Variants in UQCRC2 observed in about 807,000 individuals in gnomAD.
UQCRC2 encodes the protein ubiquinol-cytochrome c reductase core protein 2, also known as cytochrome b-c1 complex subunit 2, mitochondrial.
Under a neutral mutation model 55.6 loss-of-function variants are expected in UQCRC2, and 49 were observed. The ratio of observed to expected loss-of-function variants is 0.88; its 90% CI spans 0.70 to 1.12. The LOEUF (loss-of-function observed/expected upper bound fraction) is 1.12. Among genes scored for constraint, UQCRC2 ranks in the 50% most tolerant of loss-of-function variants. The pLI, the probability that UQCRC2 is intolerant of heterozygous loss-of-function variation, is 0.00. For missense variants in UQCRC2, 506 were observed against 547.8 expected (o/e 0.92, Z 0.76); for synonymous variants, 193 against 192.0 (o/e 1.01, Z -0.04).
At chr16:21,977,671 C>T (rs544870014) in intron 12 of UQCRC2, among the ~76,000 whole-genome samples, 28 of 152,276 alleles carry the variant, frequency 1.8e-4, no homozygotes, top group Admixed American at 5.9e-4. Context: ...TTCATACAGC[C>T]GCTTAAGACA....
chr16:21,970,998 T>C (rs1898446290), intron 8 of UQCRC2, among the ~76,000 whole-genome samples: 1 of 152,188 alleles, frequency 6.6e-6, no homozygotes, highest in Non-Finnish European at 1.5e-5. Context: ...TTAGCAGATA[T>C]ATTATCTGCA....
chr16:21,982,465 C>CT (rs1349283134), intron 13 of UQCRC2, among the ~76,000 whole-genome samples: 2 of 152,196 alleles, frequency 1.3e-5, no homozygotes, highest in Admixed American at 1.3e-4. Flanking sequence ...CCACACTACT[C>CT]TATTTGACAG....
rs767272171 is a variant in UQCRC2, at chr16:21,965,448, C to G, written c.555C>G (p.Ala185=). 6.2e-7 allele frequency: 1 copy of G among 1,613,918 alleles called. No homozygotes were observed. The highest frequency in any genetic ancestry group is 1.1e-5 in the South Asian group (1 of 91,076). ...ENLHAAAYRN[A]LANPLYCPDY... ...TGCATGCAGCAGCTTACCGGAATGC[C>G]TTGGCTAATCCCTTGTATTGTCCTG... Residue 185 remains alanine, a synonymous_variant, in exon 7 of 14, where the codon GCC becomes GCG. Coordinates refer to ENST00000268379, the MANE Select transcript of UQCRC2 (RefSeq NM_003366.4).
chr16:21,978,764 G>A (rs1363490793), intron 12 of UQCRC2, among the ~76,000 whole-genome samples: 2 of 152,178 alleles, frequency 1.3e-5, no homozygotes, highest in African/African-American at 4.8e-5. Flanking sequence ...ACTGTAAGTT[G>A]TTAGTTTGCC....
intron 9 of UQCRC2, 38 bp from the exon 10 acceptor site, chr16:21,971,885 C>T (rs754070849): frequency 6.2e-7 from 1 of 1,609,862 alleles, no homozygotes; most frequent in Non-Finnish European, 8.5e-7. Flanking sequence ...GGTGAACAAG[C>T]CATTTTCTTC....
At chr16:21,967,307 G>A (rs1394002753) in intron 7 of UQCRC2, among the ~76,000 whole-genome samples, 2 of 152,146 alleles carry the variant, frequency 1.3e-5, no homozygotes, top group African/African-American at 2.4e-5. Flanking sequence ...TTAGCCCAGT[G>A]ATTCTCAAAA....
intron 7 of UQCRC2, among the ~76,000 whole-genome samples, chr16:21,967,974 G>C (rs1269412300): frequency 6.6e-6 from 1 of 150,468 alleles, no homozygotes; most frequent in Non-Finnish European, 1.5e-5. Flanking sequence ...GTTTAGGCCA[G>C]TGTATGCTCT....
rs1254424251 is a variant in UQCRC2, at chr16:21,957,215, C to A, written c.34-20C>A. The A allele has an allele frequency of 2.5e-6, 4 of 1,611,372 alleles. No homozygotes were observed. The highest frequency in any genetic ancestry group is 3.4e-6 in the Non-Finnish European group (4 of 1,178,672). ...CTGTTCTTGTGAGAAATACGTGTAA[C>A]CTGTGTTTTTTATGTTTAGAGATTT... On this transcript the variant is annotated intron_variant, in intron 1 of 13. Transcript: ENST00000268379.
At chr16:21,968,712 C>T (rs1898387285) in intron 8 of UQCRC2, 27 bp downstream of exon 8, 3 of 1,589,994 alleles carry the variant, frequency 1.9e-6, no homozygotes, top group Non-Finnish European at 2.6e-6. Flanking sequence ...GCCTGCCTGT[C>T]AGTTTGCTTC....
At chr16:21,975,677 G>T (rs1174669311) in intron 11 of UQCRC2, among the ~76,000 whole-genome samples, 2 of 152,012 alleles carry the variant, frequency 1.3e-5, no homozygotes, top group Non-Finnish European at 2.9e-5. Context: ...TTACAAATTG[G>T]CTGTGTATGG....
Position 21,972,094 on chromosome 16 carries a change from T to A in UQCRC2, c.938T>A (p.Val313Asp). Reference sequence around the variant, plus strand: ...ACCACCAGCCATCTGCACCAGGCTGTTGCCAAGGCAACTCAGCAGCCATTT... The same window carrying A: ...ACCACCAGCCATCTGCACCAGGCTGATGCCAAGGCAACTCAGCAGCCATTT... Reference protein sequence around the residue: ...SNTTSHLHQAVAKATQQPFDV... With the variant: ...SNTTSHLHQADAKATQQPFDV... Residue 313 changes from valine (V) to aspartate (D), a missense_variant, in exon 10 of 14, where the codon GTT becomes GAT. Physicochemically the swap from Val to Asp is radical, Grantham distance 152. Coordinates refer to ENST00000268379, the MANE Select transcript of UQCRC2 (RefSeq NM_003366.4). 1 of 1,613,946 alleles carries A rather than the reference T, an allele frequency of 6.2e-7. No homozygotes were observed. Among genetic ancestry groups the A allele is most frequent in the Non-Finnish European group, 8.5e-7 (1 of 1,179,910 alleles).
intron 9 of UQCRC2, 117 bp downstream of exon 9, chr16:21,971,737 G>T (rs1898466584): frequency 1.5e-6 from 2 of 1,321,358 alleles, no homozygotes; most frequent in African/African-American, 1.5e-5. Flanking sequence ...GCATAGAATT[G>T]GATGGCTTGG....
Position 21,972,021 on chromosome 16 carries a change from C to T in UQCRC2, c.865C>T (p.Leu289Phe), listed in dbSNP as rs371441423. 3.7e-6 allele frequency: 6 copies of T among 1,614,028 alleles called. No homozygotes were observed. Among genetic ancestry groups the T allele is most frequent in the Non-Finnish European group, 5.1e-6 (6 of 1,180,026 alleles). The change falls in exon 10 of 14, where the codon CTT (leucine) becomes TTT (phenylalanine). Residue 289 changes from leucine to phenylalanine, a missense_variant. Leu to Phe is a conservative substitution (Grantham distance 22). Coordinates refer to ENST00000268379, the MANE Select transcript of UQCRC2 (RefSeq NM_003366.4). Reference protein sequence around the residue: ...GSAEANAFSVLQHVLGAGPHV... With the variant: ...GSAEANAFSVFQHVLGAGPHV... ...TGCAGAGGCAAATGCATTTAGTGTT[C>T]TTCAGCATGTCCTCGGTGCTGGGCC...
intron 4 of UQCRC2, 107 bp downstream of exon 4, chr16:21,958,706 A>C: frequency 1.1e-6 from 1 of 931,422 alleles, no homozygotes; most frequent in Non-Finnish European, 1.7e-6. Flanking sequence ...AAGCAACATA[A>C]GAAGGAAAAG....
At position 21,973,832 on chromosome 16, in the gene UQCRC2, T is replaced by TA. The variant is rs1898519097; in HGVS notation, c.967-61dup. The TA allele has an allele frequency of 4.0e-6, 6 of 1,500,298 alleles. No individual in the cohort carries two copies. In the South Asian group the frequency reaches 6.0e-5, roughly 15 times the overall value. 92.9% of individuals were successfully genotyped at this position (1,500,298 alleles called of 1,614,324 possible). On this transcript the variant is annotated intron_variant, in intron 10 of 13. Coordinates refer to ENST00000268379, the MANE Select transcript of UQCRC2 (RefSeq NM_003366.4). ...GGTCCAAGTTTTTTCTAGGCAAACT[T>TA]AAAGAAATCGTGCCCTGTTTTACTT...
At chr16:21,977,218 G>A (rs895627198) in intron 12 of UQCRC2, among the ~76,000 whole-genome samples, 2 of 152,076 alleles carry the variant, frequency 1.3e-5, no homozygotes, top group African/African-American at 4.8e-5. Context: ...GCCAGGTGTG[G>A]TAGTGTGTGC....
At chr16:21,974,083 C>A in intron 11 of UQCRC2, 107 bp downstream of exon 11, 2 of 946,648 alleles carry the variant, frequency 2.1e-6, no homozygotes, top group East Asian at 2.5e-5. Context: ...AGTGCAATGA[C>A]TTATCAGAGC....
At chr16:21,954,521 C>T (rs1353701615) in intron 1 of UQCRC2, among the ~76,000 whole-genome samples, 1 of 152,208 alleles carries the variant, frequency 6.6e-6, no homozygotes, top group Non-Finnish European at 1.5e-5. Context: ...AAGACCCCAA[C>T]ATTTCCTTCT....
At chr16:21,962,326 T>G (rs1898223982) in intron 4 of UQCRC2, 134 bp from the exon 5 acceptor site, 2 of 1,032,014 alleles carry the variant, frequency 1.9e-6, no homozygotes, top group South Asian at 3.3e-5. Flanking sequence ...ATATGTGGAG[T>G]TTTGTTATAT....
Sources: gnomAD v4.1 joint callset for allele counts (sites outside exome capture counted in the v4.1 genomes callset) on GRCh38, gnomAD v4.1.1 for gene constraint, MANE v1.5 for transcripts, NCBI Gene and HGNC (gene_info 2026-07-23, HGNC 2026-07-21) for gene names.